Variants in TENM2 observed in about 807,000 individuals in gnomAD.
TENM2 encodes the protein teneurin-2.
A neutral mutation model predicts 245.2 loss-of-function variants in TENM2; 52 were observed. The observed-to-expected ratio is 0.21, with a 90% CI of 0.17 to 0.27. The LOEUF (loss-of-function observed/expected upper bound fraction) is 0.27. Ranked by LOEUF, TENM2 falls within the 10% of genes least tolerant of loss-of-function variation. The pLI is 1.00. For synonymous variants in TENM2, 1,363 were observed against 1,438.9 expected, an observed-to-expected ratio of 0.95 and a Z score of 1.19; for missense variants, 3,046 against 3,666.8, an observed-to-expected ratio of 0.83 and a Z score of 4.37.
chr5:167,800,431 C>A (rs529931289), intron 2 of TENM2, among the ~76,000 whole-genome samples: 1 of 152,188 alleles, frequency 6.6e-6, no homozygotes, highest in Non-Finnish European at 1.5e-5. Flanking sequence ...TTTCTAATCA[C>A]GCATTATCCA....
intron 2 of TENM2, among the ~76,000 whole-genome samples, chr5:167,749,128 T>C (rs1226229246): frequency 6.6e-6 from 1 of 152,050 alleles, no homozygotes; most frequent in African/African-American, 2.4e-5. Context: ...GGAATAATTA[T>C]CACTTTTACC....
chr5:168,020,951 C>T (rs1303608062), intron 5 of TENM2, among the ~76,000 whole-genome samples: 7 of 151,928 alleles, frequency 4.6e-5, no homozygotes, highest in Non-Finnish European at 7.4e-5. Flanking sequence ...TGCCAAGGAA[C>T]GAGGAAAAAA....
intron 12 of TENM2, among the ~76,000 whole-genome samples, chr5:168,139,001 A>G (rs1386149900): frequency 6.6e-6 from 1 of 152,212 alleles, no homozygotes; most frequent in Admixed American, 6.5e-5. Context: ...TTTCTAACCC[A>G]AGACACCCTT....
chr5:167,385,874 G>A (rs1202990039), intron 2 of TENM2, among the ~76,000 whole-genome samples: 1 of 149,708 alleles, frequency 6.7e-6, no homozygotes, highest in East Asian at 1.9e-4. Context: ...GTGTGTGTGT[G>A]TGTGTGTGTG....
intron 2 of TENM2, among the ~76,000 whole-genome samples, chr5:167,712,850 C>T (rs367818677): frequency 1.2e-4 from 18 of 152,162 alleles, no homozygotes; most frequent in South Asian, 4.2e-4. Context: ...ATATTTCTTT[C>T]GGCAAACACC....
chr5:167,572,702 A>C (rs576616097), intron 2 of TENM2, among the ~76,000 whole-genome samples: 1 of 152,352 alleles, frequency 6.6e-6, no homozygotes, highest in African/African-American at 2.4e-5. Flanking sequence ...AATGGAACAA[A>C]GCTGGTGACA....
chr5:167,666,410 A>T (rs1755579965), intron 2 of TENM2, among the ~76,000 whole-genome samples: 1 of 152,188 alleles, frequency 6.6e-6, no homozygotes, highest in Non-Finnish European at 1.5e-5. Context: ...CATACGAGTA[A>T]ACTTCCCAGT....
intron 6 of TENM2, among the ~76,000 whole-genome samples, chr5:168,057,784 AATTTT>A (rs1467112243): frequency 3.3e-5 from 5 of 152,200 alleles, no homozygotes; most frequent in Admixed American, 2.0e-4. Context: ...GAGCTTCTAA[AATTTT>A]ATTTTATTTA....
chr5:166,983,670 G>C, the TENM2 span, among the ~76,000 whole-genome samples: 1 of 152,006 alleles, frequency 6.6e-6, no homozygotes, highest in African/African-American at 2.4e-5. Flanking sequence ...ACATGGTGTT[G>C]CTCTTGCCAG....
the TENM2 span, among the ~76,000 whole-genome samples, chr5:167,193,723 G>A: frequency 2.6e-5 from 4 of 151,620 alleles, no homozygotes; most frequent in South Asian, 2.1e-4. Flanking sequence ...TGATCTTGTC[G>A]GTCAGCTTTT....
chr5:168,248,258 C>A (rs754442449), exon 27 of TENM2: 1 of 1,613,940 alleles, frequency 6.2e-7, no homozygotes, highest in Admixed American at 1.7e-5. Context: ...TGGACCTCCC[C>A]AGACTATACC....
chr5:167,281,720 C>T (rs181989850), upstream of TENM2, among the ~76,000 whole-genome samples: 435 of 152,194 alleles, frequency 2.9e-3, 2 homozygotes, highest in Middle Eastern at 0.031. Flanking sequence ...GCCTTGCAGC[C>T]GGGCACAGTG....
At chr5:167,974,015 G>A (rs868804118) in intron 4 of TENM2, among the ~76,000 whole-genome samples, 4 of 72,918 alleles carry the variant, frequency 5.5e-5, no homozygotes, top group African/African-American at 2.6e-4. Flanking sequence ...GAGGGAGGGA[G>A]GGAGGGAGGA....
chr5:167,082,157 A>T, the TENM2 span, among the ~76,000 whole-genome samples: 2 of 152,246 alleles, frequency 1.3e-5, no homozygotes, highest in Middle Eastern at 3.4e-3. Flanking sequence ...TGTTCTTCTT[A>T]TTATTACTAC....
chr5:167,748,679 A>G (rs1437418681), intron 2 of TENM2, among the ~76,000 whole-genome samples: 2 of 152,114 alleles, frequency 1.3e-5, no homozygotes, highest in Admixed American at 1.3e-4. Flanking sequence ...GTCTCAGGAA[A>G]CTTACAATCA....
intron 2 of TENM2, among the ~76,000 whole-genome samples, chr5:167,762,373 A>G (rs1762737600): frequency 6.6e-6 from 1 of 152,250 alleles, no homozygotes. Context: ...TTTATCAGGT[A>G]GACTAAACTA....
At chr5:167,467,276 C>G (rs995855817) in intron 2 of TENM2, among the ~76,000 whole-genome samples, 8 of 152,066 alleles carry the variant, frequency 5.3e-5, no homozygotes, top group African/African-American at 1.9e-4. Context: ...TGCTCACAGT[C>G]TCTCCTACCG....
chr5:168,070,407 A>C (rs1790884676), intron 7 of TENM2, among the ~76,000 whole-genome samples: 1 of 152,154 alleles, frequency 6.6e-6, no homozygotes, highest in South Asian at 2.1e-4. Flanking sequence ...AGTGATTCCC[A>C]GATAACTAGA....
At chr5:167,782,685 G>T (rs1172838107) in intron 2 of TENM2, among the ~76,000 whole-genome samples, 1 of 152,200 alleles carries the variant, frequency 6.6e-6, no homozygotes, top group Non-Finnish European at 1.5e-5. Flanking sequence ...AGAAAAGAGA[G>T]CAATTAAAGA....
Sources: allele counts gnomAD v4.1 joint callset (sites outside exome capture counted in the v4.1 genomes callset), GRCh38; gene constraint gnomAD v4.1.1; transcripts MANE v1.5; gene names NCBI Gene and HGNC (gene_info 2026-07-23, HGNC 2026-07-21).